Variants in MEGF11 observed in about 807,000 individuals in gnomAD.
The protein encoded by MEGF11 is multiple EGF like domains 11.
A neutral mutation model predicts 146.6 loss-of-function variants in MEGF11; 126 were observed. The observed-to-expected ratio is 0.86, with a 90% CI of 0.74 to 1.00. The LOEUF is 1.00. MEGF11 is among the 50% of genes least tolerant of loss of function. The pLI is 0.00. For missense variants in MEGF11, 1,509 were observed against 1,521.2 expected (o/e 0.99, Z 0.13); for synonymous variants, 532 against 583.4 (o/e 0.91, Z 1.27).
intron 10 of MEGF11, among the ~76,000 whole-genome samples, chr15:65,947,685 A>C (rs1430115506): frequency 6.6e-6 from 1 of 152,230 alleles, no homozygotes; most frequent in Non-Finnish European, 1.5e-5. Context: ...TGGTGAGGTC[A>C]GACCCAGGCC....
At chr15:66,145,599 C>T (rs1489517268) in intron 1 of MEGF11, among the ~76,000 whole-genome samples, 3 of 152,226 alleles carry the variant, frequency 2.0e-5, no homozygotes, top group East Asian at 3.9e-4. Context: ...GGGGCTGGGC[C>T]GAAGCTTGTG....
At chr15:66,118,175 A>C (rs2087826542) in intron 4 of MEGF11, among the ~76,000 whole-genome samples, 1 of 151,878 alleles carries the variant, frequency 6.6e-6, no homozygotes, top group Admixed American at 6.6e-5. Flanking sequence ...ACTCTCCTAC[A>C]GTAGAGGGAA....
intron 24 of MEGF11, chr15:65,902,234 C>T (rs972688904): frequency 3.3e-5 from 5 of 152,282 alleles, no homozygotes; most frequent in Admixed American, 2.0e-4. Context: ...CCAGAAAAGT[C>T]GGGGCTACTT....
At chr15:66,064,980 C>T (rs968640238) in intron 5 of MEGF11, among the ~76,000 whole-genome samples, 5 of 152,218 alleles carry the variant, frequency 3.3e-5, no homozygotes, top group Admixed American at 6.5e-5. Flanking sequence ...ACCAGGTCTC[C>T]TTCTAAGCCC....
chr15:65,942,321 A>C (rs2080023040), intron 10 of MEGF11, among the ~76,000 whole-genome samples: 1 of 152,192 alleles, frequency 6.6e-6, no homozygotes, highest in African/African-American at 2.4e-5. Context: ...ATATGTGTTG[A>C]CAATGAAGGC....
At chr15:66,099,747 C>T (rs1398623101) in intron 4 of MEGF11, among the ~76,000 whole-genome samples, 1 of 152,162 alleles carries the variant, frequency 6.6e-6, no homozygotes, top group Non-Finnish European at 1.5e-5. Context: ...ATTAATATTC[C>T]TCTTCCCAGG....
intron 15 of MEGF11, among the ~76,000 whole-genome samples, chr15:65,921,510 C>A (rs1278496853): frequency 6.6e-6 from 1 of 152,190 alleles, no homozygotes; most frequent in African/African-American, 2.4e-5. Flanking sequence ...AAGCTAAGGC[C>A]CAGCTGAAGT....
At chr15:66,057,853 C>G (rs964238024) in intron 5 of MEGF11, among the ~76,000 whole-genome samples, 10 of 152,130 alleles carry the variant, frequency 6.6e-5, no homozygotes, top group African/African-American at 2.4e-4. Context: ...GAACGAAAAC[C>G]CCCTTTCAGC....
chr15:66,048,753 T>C (rs2084329468), intron 5 of MEGF11, among the ~76,000 whole-genome samples: 1 of 152,204 alleles, frequency 6.6e-6, no homozygotes, highest in African/African-American at 2.4e-5. Context: ...CACAGGGGCC[T>C]AACTTGCCCC....
At chr15:66,039,587 C>T (rs181989990) in intron 5 of MEGF11, among the ~76,000 whole-genome samples, 9 of 152,284 alleles carry the variant, frequency 5.9e-5, no homozygotes, top group Non-Finnish European at 5.9e-5. Context: ...ACTCAGGTTA[C>T]GTTAAGTGGC....
At chr15:66,145,018 G>A (rs965147665) in intron 1 of MEGF11, among the ~76,000 whole-genome samples, 2 of 152,182 alleles carry the variant, frequency 1.3e-5, no homozygotes, top group African/African-American at 2.4e-5. Flanking sequence ...AGCAGGCGCC[G>A]ATCCAGAATT....
intron 1 of MEGF11, among the ~76,000 whole-genome samples, chr15:66,142,622 C>A (rs1383228889): frequency 6.6e-6 from 1 of 152,200 alleles, no homozygotes; most frequent in Non-Finnish European, 1.5e-5. Context: ...GAGGGGACAG[C>A]ATCTGCTGAT....
At chr15:66,180,649 A>T (rs981878637) in intron 1 of MEGF11, among the ~76,000 whole-genome samples, 3 of 152,258 alleles carry the variant, frequency 2.0e-5, no homozygotes, top group Non-Finnish European at 4.4e-5. Context: ...GAGAAATGTG[A>T]GAGCGGTAAT....
At chr15:66,201,946 CAAAAAAAAAAAAAAAA>C (rs71139471) in intron 1 of MEGF11, among the ~76,000 whole-genome samples, 4 of 31,780 alleles carry the variant, frequency 1.3e-4, no homozygotes, top group African/African-American at 4.2e-4. Flanking sequence ...GACTCCATCT[CAAAAAAAAAAAAAAAA>C]AAAAAAAAAA....
intron 4 of MEGF11, among the ~76,000 whole-genome samples, chr15:66,110,715 G>A (rs143567848): frequency 1.1e-3 from 167 of 152,290 alleles, no homozygotes; most frequent in African/African-American, 3.8e-3. Context: ...TCTGGTGATG[G>A]CAGCAGGCAA....
At chr15:66,133,343 G>C (rs947426715) in intron 1 of MEGF11, among the ~76,000 whole-genome samples, 2 of 152,212 alleles carry the variant, frequency 1.3e-5, no homozygotes, top group Non-Finnish European at 2.9e-5. Context: ...CTCATGAAAA[G>C]GCGCTTTCAG....
chr15:66,044,695 TA>T (rs1555464545), intron 5 of MEGF11, among the ~76,000 whole-genome samples: 4 of 149,542 alleles, frequency 2.7e-5, no homozygotes, highest in Admixed American at 2.7e-4. Flanking sequence ...ATAATAATAA[TA>T]ATAATAAATA....
rs546922386 is a variant in MEGF11, at chr15:66,092,759, T to C, written c.394+1643A>G. On this transcript the variant is annotated intron_variant, in intron 5 of 25. Coordinates refer to ENST00000395614, the MANE Select transcript of MEGF11 (RefSeq NM_001385028.1). Reference sequence around the variant, plus strand: ...AAACACAGTTGCACTCACTGGTGGTTTCTATATACTCAGGGCCCCGGGGGA... The same window carrying C: ...AAACACAGTTGCACTCACTGGTGGTCTCTATATACTCAGGGCCCCGGGGGA... 1.5e-4 allele frequency among the ~76,000 whole-genome samples: 23 copies of C among 152,270 alleles called. No individual in the cohort carries two copies. The East Asian group carries it at 3.9e-3, about 26-fold the overall frequency.
chr15:66,139,922 G>T (rs2089068736), intron 1 of MEGF11, among the ~76,000 whole-genome samples: 1 of 152,174 alleles, frequency 6.6e-6, no homozygotes, highest in South Asian at 2.1e-4. Flanking sequence ...AGGCCACCCT[G>T]AGCACCAGTG....
Sources: gnomAD v4.1 joint callset for allele counts (sites outside exome capture counted in the v4.1 genomes callset) on GRCh38, gnomAD v4.1.1 for gene constraint, MANE v1.5 for transcripts, NCBI Gene and HGNC (gene_info 2026-07-23, HGNC 2026-07-21) for gene names.